Variants in SMCO1 observed in about 807,000 individuals in gnomAD.
SMCO1 encodes single-pass membrane protein with coiled-coil domains 1, also known as single-pass membrane and coiled-coil domain-containing protein 1.
SMCO1 carries 9 observed loss-of-function variants against 7.5 expected under a neutral mutation model. That is an observed-to-expected ratio of 1.20 (90% confidence interval 0.72 to 2.09). The LOEUF (loss-of-function observed/expected upper bound fraction) is 2.09, where lower values mean the gene tolerates loss of function less well. Ranked by LOEUF, SMCO1 falls within the 30% of genes most tolerant of loss-of-function variation. SMCO1 has a pLI of 0.00. For synonymous variants in SMCO1, 90 were observed against 93.8 expected, an observed-to-expected ratio of 0.96 and a Z score of 0.23; for missense variants, 219 against 253.1, an observed-to-expected ratio of 0.87 and a Z score of 0.91.
intron 1 of SMCO1, among the ~76,000 whole-genome samples, chr3:196,512,394 G>A (rs1022135292): frequency 2.0e-5 from 3 of 152,190 alleles, no homozygotes; most frequent in African/African-American, 7.2e-5. Flanking sequence ...ATACCTTTGT[G>A]ACTGCCCAGC....
At chr3:196,508,411 TC>T in intron 2 of SMCO1, 80 bp from the exon 3 acceptor site, 1 of 1,218,264 alleles carries the variant, frequency 8.2e-7, no homozygotes, top group East Asian at 2.5e-5. Flanking sequence ...TTAGGATAAC[TC>T]AATATGAACC....
chr3:196,514,667 C>T (rs1321468249), intron 1 of SMCO1, among the ~76,000 whole-genome samples: 1 of 152,194 alleles, frequency 6.6e-6, no homozygotes, highest in African/African-American at 2.4e-5. Flanking sequence ...AATGGAGTTA[C>T]AGCACCTGGG....
chr3:196,513,846 A>G (rs1410688423), intron 1 of SMCO1, among the ~76,000 whole-genome samples: 5 of 152,182 alleles, frequency 3.3e-5, no homozygotes, highest in Non-Finnish European at 7.3e-5. Context: ...CCAACATGCA[A>G]ATCTCAGCGC....
At chr3:196,513,901 T>C (rs1222250858) in intron 1 of SMCO1, among the ~76,000 whole-genome samples, 3 of 152,226 alleles carry the variant, frequency 2.0e-5, no homozygotes, top group Admixed American at 6.5e-5. Context: ...GTTTCGTTAA[T>C]GACCTCACCA....
At chr3:196,509,950 G>A (rs982614217) in intron 1 of SMCO1, among the ~76,000 whole-genome samples, 9 of 151,948 alleles carry the variant, frequency 5.9e-5, no homozygotes, top group Non-Finnish European at 1.0e-4. Flanking sequence ...ATTGCCTGTC[G>A]TGTCTTGTTT....
Position 196,508,001 on chromosome 3 carries a change from AGCCTGGT to A in SMCO1, c.524_530del (p.Asn175IlefsTer7), listed in dbSNP as rs1396380158. 1.2e-6 allele frequency: 2 copies of A among 1,614,146 alleles called. No homozygotes were observed. The highest frequency in any genetic ancestry group is 3.3e-5 in the Admixed American group (2 of 60,014). ...CAGCCCTCAGCAAACTGTCCTGCAG[AGCCTGGT>A]TCTTTACCATGTTAGTAATTAGGAA... On this transcript the variant is annotated frameshift_variant, in exon 3 of 3. Transcript: ENST00000397537. LOFTEE classifies it high-confidence loss of function.
At chr3:196,516,053 A>G (rs1257053882), upstream of SMCO1, among the ~76,000 whole-genome samples, 1 of 86,410 alleles carries the variant, frequency 1.2e-5, no homozygotes, top group Admixed American at 1.1e-4. Context: ...AATTATACAT[A>G]TAATTATATA....
rs758023054 is a variant in SMCO1 at position 196,508,149 on chromosome 3, TCCTCC to T, written c.378_382del (p.Glu127ValfsTer20). ...GATGTCTCCTTCTTGCAGCCCACACTCCTCCAGTATGGACTCCCATACAACTCTAA... is the reference window on the plus strand; with the variant it reads ...GATGTCTCCTTCTTGCAGCCCACACTAGTATGGACTCCCATACAACTCTAA... On this transcript the variant is annotated frameshift_variant, in exon 3 of 3. Transcript: ENST00000397537. LOFTEE classifies it low-confidence loss of function (END_TRUNC). 9 of 1,614,026 alleles carry T rather than the reference TCCTCC, an allele frequency of 5.6e-6. No homozygotes were observed. The African/African-American group carries it at 1.2e-4, about 22-fold the overall frequency.
chr3:196,508,664 G>A (rs570880330), intron 2 of SMCO1, among the ~76,000 whole-genome samples: 162 of 1,410 alleles, frequency 0.11, no homozygotes, highest in African/African-American at 0.22. Flanking sequence ...TAGGCTGGGC[G>A]TGGTGCTCAC....
rs767164964 is a variant in SMCO1 at position 196,509,624 on chromosome 3, T to G, written c.96A>C (p.Leu32=). ...LQALETQFKE[L]DFTKDNLMQK... ...GCATCAGGTTATCCTTGGTGAAGTC[T>G]AGTTCTTTGAACTGTGTTTCTAACG... Residue 32 remains leucine (L), a synonymous_variant, in exon 2 of 3, where the codon CTA becomes CTC. Transcript: ENST00000397537. 1 of 1,614,108 alleles carries G rather than the reference T, an allele frequency of 6.2e-7. No homozygotes were observed.
Position 196,515,203 on chromosome 3 carries a change from T to C in SMCO1, c.7A>G (p.Asn3Asp). The C allele has an allele frequency of 6.2e-7, 1 of 1,612,896 alleles. No individual in the cohort carries two copies. Among genetic ancestry groups the C allele is most frequent in the Non-Finnish European group, 8.5e-7 (1 of 1,178,846 alleles). MN[N>D]ETTTLISLKE... The stretch of plus-strand genomic sequence containing the variant: ...AAGGATATCAGGGTTGTGGTTTCAT[T>C]GTTCATCTTCTGAAGGCAAAAGGAA... Residue 3 changes from asparagine to aspartate, a missense_variant, in exon 1 of 3, where the codon AAT becomes GAT. Coordinates refer to ENST00000397537, the MANE Select transcript of SMCO1 (RefSeq NM_001077657.3).
chr3:196,520,829 T>A, the SMCO1 span, among the ~76,000 whole-genome samples: 1 of 152,160 alleles, frequency 6.6e-6, no homozygotes, highest in African/African-American at 2.4e-5. Context: ...TTCAGTATAA[T>A]AAAGAAAATA....
chr3:196,515,102 A>G, intron 1 of SMCO1, 58 bp downstream of exon 1: 1 of 1,587,862 alleles, frequency 6.3e-7, no homozygotes, highest in Non-Finnish European at 8.6e-7. Flanking sequence ...TTCTTCTCTT[A>G]CCCATCTTCC....
upstream of SMCO1, among the ~76,000 whole-genome samples, chr3:196,518,869 A>AC (rs1043192088): frequency 7.3e-5 from 11 of 151,532 alleles, no homozygotes; most frequent in African/African-American, 2.2e-4. Context: ...GAACATGGAG[A>AC]CCCCCCCAAT....
rs1560281855 is a variant in SMCO1 at position 196,507,766 on chromosome 3, A to G, written c.*121T>C. The G allele has an allele frequency of 2.7e-5, 17 of 640,342 alleles. No individual in the cohort carries two copies. Among genetic ancestry groups the G allele is most frequent in the Non-Finnish European group, 3.8e-5 (14 of 368,716 alleles). The allele number at this position is 640,342 out of a possible 1,614,324, so 39.7% of individuals were successfully genotyped here. ...GTATCTATTGTATCAATTTGTCATA[A>G]TTTATTTAACATCCTCTCACTCTTT... On this transcript the variant is annotated 3_prime_UTR_variant, in exon 3 of 3. Coordinates refer to ENST00000397537, the MANE Select transcript of SMCO1 (RefSeq NM_001077657.3).
At chr3:196,520,098 A>C (rs1405148206), upstream of SMCO1, among the ~76,000 whole-genome samples, 1 of 152,196 alleles carries the variant, frequency 6.6e-6, no homozygotes, top group African/African-American at 2.4e-5. Context: ...GACTTCTTCA[A>C]CCTTGAGACT....
intron 2 of SMCO1, among the ~76,000 whole-genome samples, chr3:196,509,276 G>A (rs1056152262): frequency 4.7e-5 from 7 of 149,218 alleles, no homozygotes; most frequent in Non-Finnish European, 1.0e-4. Flanking sequence ...GTGTCAGCCA[G>A]GGTGGTCTCG....
At chr3:196,513,632 A>C (rs1345408003) in intron 1 of SMCO1, among the ~76,000 whole-genome samples, 1 of 150,516 alleles carries the variant, frequency 6.6e-6, no homozygotes, top group East Asian at 1.9e-4. Flanking sequence ...TGTCTCAAAA[A>C]AAAAAAAAAA....
At chr3:196,514,849 C>G (rs1376914221) in intron 1 of SMCO1, among the ~76,000 whole-genome samples, 2 of 152,224 alleles carry the variant, frequency 1.3e-5, no homozygotes, top group African/African-American at 4.8e-5. Flanking sequence ...TCAAGTGATT[C>G]TCCTGCCTCA....
Sources: gnomAD v4.1 joint callset for allele counts (sites outside exome capture counted in the v4.1 genomes callset) on GRCh38, gnomAD v4.1.1 for gene constraint, MANE v1.5 for transcripts, NCBI Gene and HGNC (gene_info 2026-07-23, HGNC 2026-07-21) for gene names.